KIAA0232: variants seen among roughly 807,000 people sequenced by gnomAD.
KIAA0232 encodes the protein uncharacterized protein KIAA0232.
KIAA0232 carries 27 observed loss-of-function variants against 122.0 expected under a neutral mutation model. That is an observed-to-expected ratio of 0.22 (90% confidence interval 0.16 to 0.31). The LOEUF is 0.31. Among genes scored for constraint, KIAA0232 ranks in the 10% least tolerant of loss-of-function variants. KIAA0232 has a pLI of 1.00. For missense variants in KIAA0232, 1,551 were observed against 1,634.2 expected (o/e 0.95, Z 0.88); for synonymous variants, 613 against 587.6 (o/e 1.04, Z -0.63).
intron 8 of KIAA0232, among the ~76,000 whole-genome samples, chr4:6,872,066 G>A (rs1392393657): frequency 6.6e-6 from 1 of 152,184 alleles, no homozygotes; most frequent in Non-Finnish European, 1.5e-5. Flanking sequence ...TAGCTGACGC[G>A]GGAGAGACAG....
chr4:6,871,705 A>G (rs1392274110), intron 8 of KIAA0232, 23 bp downstream of exon 8: 1 of 1,305,606 alleles, frequency 7.7e-7, no homozygotes, highest in Non-Finnish European at 1.1e-6. Flanking sequence ...TTGTTAGTTC[A>G]TTTATTCATT....
At chr4:6,828,695 C>G (rs540330407) in intron 3 of KIAA0232, among the ~76,000 whole-genome samples, 1 of 152,168 alleles carries the variant, frequency 6.6e-6, no homozygotes, top group Non-Finnish European at 1.5e-5. Flanking sequence ...GCTGTAGTCT[C>G]CCTACCATAC....
intron 2 of KIAA0232, among the ~76,000 whole-genome samples, chr4:6,816,097 C>T (rs1339421383): frequency 6.6e-6 from 1 of 152,066 alleles, no homozygotes; most frequent in African/African-American, 2.4e-5. Flanking sequence ...TTGAGTTGTA[C>T]AGTGAAACGA....
chr4:6,841,968 A>G, intron 3 of KIAA0232, 99 bp from the exon 4 acceptor site: 2 of 1,364,730 alleles, frequency 1.5e-6, no homozygotes, highest in Non-Finnish European at 1.0e-6. Flanking sequence ...TCGTATGGAA[A>G]TGCAAGGGGC....
At chr4:6,875,838 G>T (rs1157243359) in intron 8 of KIAA0232, among the ~76,000 whole-genome samples, 1 of 152,184 alleles carries the variant, frequency 6.6e-6, no homozygotes, top group Non-Finnish European at 1.5e-5. Context: ...TCTCATGGAG[G>T]TAAGGGGAGT....
rs758101382 is a variant in KIAA0232, at chr4:6,863,972, A to G, written c.3590A>G (p.Glu1197Gly). Reference sequence around the variant, plus strand: ...CAGACATCACTGGATTCCCAGGAGGAATCAACTGGGATTCTTTCAGTAGGA... The same window carrying G: ...CAGACATCACTGGATTCCCAGGAGGGATCAACTGGGATTCTTTCAGTAGGA... ...SAQTSLDSQE[E>G]STGILSVGKQ... The change falls in exon 7 of 10, where the codon GAA becomes GGA. Residue 1197 changes from glutamate (E) to glycine (G), a missense_variant. Glu to Gly is a moderately conservative substitution (Grantham distance 98). Around this residue, in one of 5 missense-constraint regions of KIAA0232, gnomAD observed 1,108 missense variants for 1,154.8 expected, o/e 0.96. Transcript: ENST00000307659. 2 of 1,613,994 alleles carry G rather than the reference A, an allele frequency of 1.2e-6. No homozygotes were observed. The highest frequency in any genetic ancestry group is 2.2e-5 in the South Asian group (2 of 91,062).
intron 4 of KIAA0232, among the ~76,000 whole-genome samples, chr4:6,850,773 C>T (rs985931665): frequency 4.0e-5 from 6 of 151,810 alleles, no homozygotes; most frequent in African/African-American, 1.5e-4. Context: ...TGGGTTCAAG[C>T]GATTCTCTGC....
At chr4:6,837,376 C>G (rs1485675875) in intron 3 of KIAA0232, among the ~76,000 whole-genome samples, 1 of 151,796 alleles carries the variant, frequency 6.6e-6, no homozygotes, top group East Asian at 1.9e-4. Context: ...CAGAGAGGCT[C>G]CTCACTTCCT....
At chr4:6,879,481 C>T (rs947148513) in intron 9 of KIAA0232, among the ~76,000 whole-genome samples, 4 of 152,278 alleles carry the variant, frequency 2.6e-5, no homozygotes, top group African/African-American at 7.2e-5. Flanking sequence ...GTATGTTTTG[C>T]CCCCGTCTGC....
At chr4:6,815,712 A>G (rs551439405) in intron 2 of KIAA0232, among the ~76,000 whole-genome samples, 2 of 152,274 alleles carry the variant, frequency 1.3e-5, no homozygotes, top group East Asian at 3.9e-4. Context: ...GGTCCTCTGC[A>G]GTCTGTACTG....
chr4:6,793,030 A>G (rs1716976470), intron 1 of KIAA0232, among the ~76,000 whole-genome samples: 1 of 152,134 alleles, frequency 6.6e-6, no homozygotes, highest in Non-Finnish European at 1.5e-5. Flanking sequence ...ATTGTTCTGC[A>G]CTGGGTCCCA....
intron 1 of KIAA0232, among the ~76,000 whole-genome samples, chr4:6,793,661 T>C (rs1054170358): frequency 5.3e-5 from 8 of 152,176 alleles, no homozygotes; most frequent in African/African-American, 1.7e-4. Context: ...GAATTCTTGG[T>C]GAAGTAAAAG....
At chr4:6,804,655 A>T (rs540714786) in intron 2 of KIAA0232, 49 bp downstream of exon 2, 1 of 152,232 alleles carries the variant, frequency 6.6e-6, no homozygotes, top group Non-Finnish European at 1.5e-5. Context: ...GAAGTTTCTG[A>T]TACCATATAA....
intron 1 of KIAA0232, among the ~76,000 whole-genome samples, chr4:6,788,696 C>T (rs1431313365): frequency 6.6e-6 from 1 of 152,196 alleles, no homozygotes; most frequent in African/African-American, 2.4e-5. Flanking sequence ...ACTGAATTAA[C>T]TCAAAATTTA....
chr4:6,880,742 G>A (rs1722027855), intron 9 of KIAA0232, 45 bp from the exon 10 acceptor site: 4 of 1,374,708 alleles, frequency 2.9e-6, no homozygotes, highest in Non-Finnish European at 3.9e-6. Flanking sequence ...CCCTTTTGGG[G>A]AAAAAAAAGT....
chr4:6,807,452 A>G (rs1386855538), intron 2 of KIAA0232, among the ~76,000 whole-genome samples: 1 of 152,196 alleles, frequency 6.6e-6, no homozygotes, highest in East Asian at 1.9e-4. Context: ...CTTTTTGTAG[A>G]AAGAACTCAA....
intron 1 of KIAA0232, among the ~76,000 whole-genome samples, chr4:6,791,299 GTAGCTGTCA>G (rs1716882356): frequency 7.3e-6 from 1 of 137,226 alleles, no homozygotes. Context: ...TGGAATACAA[GTAGCTGTCA>G]TAAAGCCTTT....
intron 8 of KIAA0232, among the ~76,000 whole-genome samples, chr4:6,873,496 G>C (rs959132378): frequency 1.3e-5 from 2 of 152,236 alleles, no homozygotes; most frequent in African/African-American, 4.8e-5. Context: ...GGAGGGAGAG[G>C]AGGATGCCAC....
In KIAA0232 at chr4:6,860,936, C is replaced by G; in HGVS notation, c.554C>G (p.Pro185Arg). 1 of 1,613,832 alleles carries G rather than the reference C, an allele frequency of 6.2e-7. No individual in the cohort carries two copies. The highest frequency in any genetic ancestry group is 2.2e-5 in the East Asian group (1 of 44,876). The change falls in exon 7 of 10, where the codon CCA becomes CGA. Residue 185 changes from proline to arginine, a missense_variant. By Grantham distance (103) the Pro-to-Arg change is moderately radical (BLOSUM62 -2). Around this residue, in one of 5 missense-constraint regions of KIAA0232, gnomAD observed 377 missense variants for 381.7 expected, o/e 0.99. Transcript: ENST00000307659. ...GCATTTCCACCACTTTCTGAGAAAC[C>G]AGTTTGCCTGCAAGAAATCATGACT... ...YEAFPPLSEK[P>R]VCLQEIMTVW...
Sources: gnomAD v4.1 joint callset for allele counts (sites outside exome capture counted in the v4.1 genomes callset) on GRCh38, gnomAD v4.1.1 for gene constraint, gnomAD v4.1.1 regional missense constraint, MANE v1.5 for transcripts, NCBI Gene and HGNC (gene_info 2026-07-23, HGNC 2026-07-21) for gene names.